Variants in NPC1 observed in about 807,000 individuals in gnomAD.
NPC1 encodes NPC intracellular cholesterol transporter 1.
In NPC1, 85 loss-of-function variants were observed where a neutral mutation model predicts 140.4. The observed-to-expected ratio is 0.61, with a 90% confidence interval of 0.51 to 0.72. NPC1 has a LOEUF of 0.72. Among genes scored for constraint, NPC1 ranks in the 30% least tolerant of loss-of-function variants. The probability of loss-of-function intolerance (pLI) is 0.00; values close to 1 mark genes in which losing one functional copy is unlikely to be tolerated. For synonymous variants in NPC1, 656 were observed against 624.8 expected (o/e 1.05, Z -0.74); for missense variants, 1,504 against 1,623.8 (o/e 0.93, Z 1.27).
chr18:23,533,034 CCTT>C (rs1178123212), intron 24 of NPC1: 13 of 753,734 alleles, frequency 1.7e-5, no homozygotes, highest in African/African-American at 7.6e-5. Context: ...CAGATGGACT[CCTT>C]CATCTCAGTG....
At chr18:23,526,835 G>A (rs2058311730), downstream of NPC1, 14 of 1,563,192 alleles carry the variant, frequency 9.0e-6, no homozygotes, top group Non-Finnish European at 1.2e-5. Flanking sequence ...TTTTTATCGG[G>A]ATGTGGGCTA....
intron 10 of NPC1, among the ~76,000 whole-genome samples, chr18:23,548,764 T>A (rs1260713172): frequency 6.6e-6 from 1 of 152,206 alleles, no homozygotes; most frequent in African/African-American, 2.4e-5. Context: ...CACATACTTG[T>A]AGAAATAAAT....
At chr18:23,527,858 A>G (rs767119045), downstream of NPC1, 16 of 1,614,180 alleles carry the variant, frequency 9.9e-6, no homozygotes, top group South Asian at 5.5e-5. Context: ...AAACTCAACC[A>G]TGAGTATAAA....
At chr18:23,536,605 C>G in intron 21 of NPC1, 68 bp downstream of exon 21, 1 of 1,405,440 alleles carries the variant, frequency 7.1e-7, no homozygotes, top group Admixed American at 1.9e-5. Flanking sequence ...GCCAAGGGAA[C>G]CCTCCCCACT....
chr18:23,523,541 C>T (rs1488039839), intron 1 of NPC1, among the ~76,000 whole-genome samples: 1 of 21,902 alleles, frequency 4.6e-5, no homozygotes, highest in Admixed American at 7.6e-4. Context: ...ACCTTGTCTT[C>T]ACAAAAAAAA....
At chr18:23,584,018 C>T (rs1389635506) in intron 1 of NPC1, among the ~76,000 whole-genome samples, 2 of 152,100 alleles carry the variant, frequency 1.3e-5, no homozygotes, top group African/African-American at 2.4e-5. Context: ...CTCTATGTTC[C>T]AAGTCCCTCA....
chr18:23,557,836 A>G (rs2058977399), intron 6 of NPC1, among the ~76,000 whole-genome samples: 1 of 152,220 alleles, frequency 6.6e-6, no homozygotes, highest in Non-Finnish European at 1.5e-5. Context: ...CCATTCTCCA[A>G]TAAAAGGAAC....
chr18:23,536,359 G>A (rs1188240383), intron 21 of NPC1, among the ~76,000 whole-genome samples: 2 of 152,168 alleles, frequency 1.3e-5, no homozygotes, highest in Admixed American at 6.5e-5. Context: ...AATGTGGGCC[G>A]GGCCCTGCTC....
intron 1 of NPC1, among the ~76,000 whole-genome samples, chr18:23,583,801 T>A (rs950424272): frequency 6.6e-6 from 1 of 152,146 alleles, no homozygotes; most frequent in Non-Finnish European, 1.5e-5. Context: ...GGCTCAAATT[T>A]AAAAAAATCT....
At chr18:23,571,401 CCCAGCCTGTAATA>C (rs2059201199) in intron 3 of NPC1, among the ~76,000 whole-genome samples, 1 of 151,902 alleles carries the variant, frequency 6.6e-6, no homozygotes, top group Non-Finnish European at 1.5e-5. Context: ...TGCCTGTAAT[CCCAGCCTGTAATA>C]ACCAGGCTGA....
intron 10 of NPC1, among the ~76,000 whole-genome samples, chr18:23,549,180 T>C (rs1452906379): frequency 6.6e-6 from 1 of 152,202 alleles, no homozygotes; most frequent in Non-Finnish European, 1.5e-5. Context: ...CAAAGAAGCT[T>C]AACTATTTTT....
chr18:23,581,571 C>T (rs1160398058), intron 1 of NPC1, among the ~76,000 whole-genome samples: 2 of 151,802 alleles, frequency 1.3e-5, no homozygotes, highest in Non-Finnish European at 2.9e-5. Context: ...AAAACAAGAT[C>T]GGATGTGATA....
At position 23,523,840 on chromosome 18, in the gene NPC1, A is replaced by G. The variant is rs574152320; in HGVS notation, c.164-934T>C. On this transcript the variant is annotated intron_variant, in intron 1 of 1. Coordinates refer to the NPC1 transcript ENST00000590723. ...AATTTCTCAGTTCCTTAACGTGCAT[A>G]TGTAAACGATCATGAGTCATCTTTG... Among the ~76,000 whole-genome samples the G allele has an allele frequency of 2.6e-5, 4 of 152,302 alleles. No homozygotes were observed. In the South Asian group the frequency reaches 6.2e-4, roughly 24 times the overall value.
At chr18:23,537,329 G>A (rs915068865) in intron 20 of NPC1, among the ~76,000 whole-genome samples, 1 of 152,116 alleles carries the variant, frequency 6.6e-6, no homozygotes, top group Admixed American at 6.5e-5. Context: ...CGCCCACCTC[G>A]GCCTCCAAAA....
chr18:23,566,156 C>A (rs1289457157), intron 4 of NPC1, among the ~76,000 whole-genome samples: 1 of 152,092 alleles, frequency 6.6e-6, no homozygotes, highest in Non-Finnish European at 1.5e-5. Context: ...GTAATCCCAG[C>A]ACTGTGGGAA....
At chr18:23,521,856 T>C (rs946103782), downstream of NPC1, among the ~76,000 whole-genome samples, 2 of 152,200 alleles carry the variant, frequency 1.3e-5, no homozygotes, top group Non-Finnish European at 2.9e-5. Flanking sequence ...AGGGTCTTTC[T>C]TCTGTGCCTG....
downstream of NPC1, chr18:23,524,626 T>C: frequency 1.3e-6 from 1 of 742,356 alleles, no homozygotes; most frequent in Non-Finnish European, 2.2e-6. Flanking sequence ...TTTTTTTCAC[T>C]TTATACGTTT....
At chr18:23,535,794 T>C (rs2058621170) in intron 21 of NPC1, 94 bp from the exon 22 acceptor site, 1 of 838,044 alleles carries the variant, frequency 1.2e-6, no homozygotes, top group Non-Finnish European at 2.0e-6. Flanking sequence ...TCAGACTCCT[T>C]TGGGAAACAT....
intron 6 of NPC1, among the ~76,000 whole-genome samples, chr18:23,559,207 G>T (rs2059000206): frequency 6.6e-6 from 1 of 152,158 alleles, no homozygotes; most frequent in Admixed American, 6.5e-5. Context: ...CTTTATAGCA[G>T]CATGATTTAT....
Sources: allele counts gnomAD v4.1 joint callset (sites outside exome capture counted in the v4.1 genomes callset), GRCh38; gene constraint gnomAD v4.1.1; transcripts MANE v1.5; gene names NCBI Gene and HGNC (gene_info 2026-07-23, HGNC 2026-07-21).